WNT7B: variants seen among roughly 807,000 people sequenced by gnomAD.
The protein encoded by WNT7B is Wnt family member 7B, also known as protein Wnt-7b.
WNT7B carries 19 observed loss-of-function variants against 38.2 expected under a neutral mutation model. The observed-to-expected ratio is 0.50, with a 90% CI of 0.35 to 0.73. The LOEUF is 0.73. Among genes scored for constraint, WNT7B ranks in the 30% least tolerant of loss-of-function variants. The probability of loss-of-function intolerance (pLI) is 0.01; values close to 1 mark genes in which losing one functional copy is unlikely to be tolerated. For missense variants in WNT7B, 423 were observed against 507.9 expected (o/e 0.83, Z 1.61); for synonymous variants, 243 against 209.3 (o/e 1.16, Z -1.39).
Position 45,922,835 on chromosome 22 carries a change from C to T in WNT7B, c.*21G>A, listed in dbSNP as rs780036850. Reference sequence around the variant, plus strand: ...ATGCCGCCGGGTTCCAGGGTGCCCGCGGCCGCCTCCGGGCCTGGCCTCACT... The same window carrying T: ...ATGCCGCCGGGTTCCAGGGTGCCCGTGGCCGCCTCCGGGCCTGGCCTCACT... On this transcript the variant is annotated 3_prime_UTR_variant, in exon 4 of 4. Transcript: ENST00000339464. 15 of 1,576,998 alleles carry T rather than the reference C, an allele frequency of 9.5e-6. No individual in the cohort carries two copies. Among genetic ancestry groups the T allele is most frequent in the South Asian group, 3.5e-5 (3 of 86,756 alleles).
intron 1 of WNT7B, among the ~76,000 whole-genome samples, chr22:45,963,558 G>A (rs1039912159): frequency 3.3e-5 from 5 of 152,118 alleles, no homozygotes; most frequent in African/African-American, 7.2e-5. Flanking sequence ...GGCTTAGAGA[G>A]GAGCAGCATC....
chr22:45,947,550 C>G (rs1349610276), intron 2 of WNT7B, among the ~76,000 whole-genome samples: 2 of 152,312 alleles, frequency 1.3e-5, no homozygotes, highest in East Asian at 3.9e-4. Flanking sequence ...AAGCCATGAG[C>G]AGGAGTGAGC....
intron 1 of WNT7B, chr22:45,972,331 A>AGGG (rs1243922582): frequency 2.4e-6 from 1 of 418,996 alleles, no homozygotes; most frequent in Non-Finnish European, 4.2e-6. Context: ...TCCCCGATGC[A>AGGG]GGGCGGCGGC....
chr22:45,928,376 C>T (rs536277785), intron 3 of WNT7B, among the ~76,000 whole-genome samples: 77 of 152,340 alleles, frequency 5.1e-4, no homozygotes, highest in African/African-American at 9.6e-4. Flanking sequence ...GCTCAGACCA[C>T]GCTTGTGCCC....
At chr22:45,935,084 TG>T (rs1306605533) in intron 2 of WNT7B, among the ~76,000 whole-genome samples, 2 of 152,190 alleles carry the variant, frequency 1.3e-5, no homozygotes, top group African/African-American at 4.8e-5. Context: ...GCAGAAGGGC[TG>T]CAGGCTTCCC....
chr22:45,974,918 G>A (rs1932520864), intron 1 of WNT7B, among the ~76,000 whole-genome samples: 1 of 152,156 alleles, frequency 6.6e-6, no homozygotes, highest in Non-Finnish European at 1.5e-5. Flanking sequence ...AGCCCCAGGA[G>A]CCGGGCTAGG....
At chr22:45,933,993 G>A (rs1415793192) in intron 2 of WNT7B, among the ~76,000 whole-genome samples, 2 of 152,234 alleles carry the variant, frequency 1.3e-5, no homozygotes, top group Non-Finnish European at 2.9e-5. Context: ...TCAGAGGCCG[G>A]TCGGCACCAG....
intron 2 of WNT7B, among the ~76,000 whole-genome samples, chr22:45,933,518 C>T (rs1442560453): frequency 2.0e-5 from 3 of 151,992 alleles, no homozygotes; most frequent in African/African-American, 7.3e-5. Flanking sequence ...ATTCCCCAAG[C>T]ACAACAGGGC....
At chr22:45,945,325 C>T (rs1295467936) in intron 2 of WNT7B, among the ~76,000 whole-genome samples, 2 of 152,170 alleles carry the variant, frequency 1.3e-5, no homozygotes, top group South Asian at 2.1e-4. Flanking sequence ...GTGATCCACC[C>T]GCCTCAGCTT....
chr22:45,927,198 G>C, intron 3 of WNT7B: 1 of 985,444 alleles, frequency 1.0e-6, no homozygotes, highest in Non-Finnish European at 1.2e-6. Context: ...CAGGGGCAGA[G>C]CTGGGGGCCG....
chr22:45,929,201 C>G (rs1343363262), intron 3 of WNT7B, among the ~76,000 whole-genome samples: 2 of 152,204 alleles, frequency 1.3e-5, no homozygotes, highest in East Asian at 3.9e-4. Context: ...CTCCCAGATG[C>G]CTCCAGGTAG....
intron 3 of WNT7B, chr22:45,926,993 C>T (rs1569109488): frequency 1.0e-6 from 1 of 985,466 alleles, no homozygotes; most frequent in East Asian, 1.1e-4. Flanking sequence ...CCCCTGGCTC[C>T]AGGAGCTGGT....
chr22:45,957,682 CAAAAAAAAAA>C lies in WNT7B; in HGVS notation c.72-7546_72-7537del, dbSNP rs367797133. Among the ~76,000 whole-genome samples the C allele has an allele frequency of 1.2e-3, 43 of 36,012 alleles. 2 individuals carry two copies. Among genetic ancestry groups the C allele is most frequent in the South Asian group, 2.6e-3 (2 of 778 alleles). 23.6% of individuals were successfully genotyped at this position (36,012 alleles called of 152,430 possible). A position where few individuals can be genotyped will look rare whatever the true frequency, so the allele number is the denominator to read the frequency against. ...TGCGTGAGGGAGCAAGACTCCGTCT[CAAAAAAAAAA>C]AAAAAAAAAAAAAAAAAAAACAGAA... On this transcript the variant is annotated intron_variant, in intron 1 of 3. Coordinates refer to ENST00000339464, the MANE Select transcript of WNT7B (RefSeq NM_058238.3).
chr22:45,933,376 G>A (rs551172428), intron 2 of WNT7B, among the ~76,000 whole-genome samples: 59 of 152,286 alleles, frequency 3.9e-4, no homozygotes, highest in African/African-American at 1.3e-3. Flanking sequence ...CACGCTGCCC[G>A]CTCCCTGCCT....
rs1931355488 is a variant in WNT7B, at chr22:45,931,420, T to A, written c.299-51A>T. On this transcript the variant is annotated intron_variant, in intron 2 of 3. Transcript: ENST00000339464. Reference sequence around the variant, plus strand: ...GTGAGACCCCAGGCCCTGGGCCAGGTGGGCTCAGGGGACAGGGTGCCGGGC... The same window carrying A: ...GTGAGACCCCAGGCCCTGGGCCAGGAGGGCTCAGGGGACAGGGTGCCGGGC... 2.6e-6 allele frequency: 4 copies of A among 1,523,292 alleles called. No homozygotes were observed. In the East Asian group the frequency reaches 6.9e-5, roughly 26 times the overall value. 94.4% of individuals were successfully genotyped at this position (1,523,292 alleles called of 1,614,324 possible).
chr22:45,932,819 C>G (rs76504283), intron 2 of WNT7B, among the ~76,000 whole-genome samples: 9,683 of 152,280 alleles, frequency 0.064, 512 homozygotes, highest in Admixed American at 0.15. Context: ...CAGGAGAGGG[C>G]AGCTGGAGAC....
intron 2 of WNT7B, among the ~76,000 whole-genome samples, chr22:45,934,866 G>A (rs1931473404): frequency 6.6e-6 from 1 of 152,260 alleles, no homozygotes; most frequent in South Asian, 2.1e-4. Flanking sequence ...GAGAGTCATA[G>A]TTTTGGCACA....
At chr22:45,969,901 T>C (rs1219531235) in intron 1 of WNT7B, among the ~76,000 whole-genome samples, 1 of 152,214 alleles carries the variant, frequency 6.6e-6, no homozygotes, top group African/African-American at 2.4e-5. Context: ...GCGCCTGCAG[T>C]GCTGAGGGTC....
At position 45,972,251 on chromosome 22, in the gene WNT7B, G is replaced by A. The variant is rs547751210; in HGVS notation, c.71+4433C>T. The stretch of plus-strand genomic sequence containing the variant: ...CAGTAGAAGCATGGTGGGCCGGCGT[G>A]CCTGGCGGGGCTGAACAGGCTCCGC... On this transcript the variant is annotated intron_variant, in intron 1 of 3. Transcript: ENST00000339464. 50 of 634,250 alleles carry A rather than the reference G, an allele frequency of 7.9e-5. No homozygotes were observed. In the East Asian group the frequency reaches 1.7e-3, roughly 21 times the overall value. 39.3% of individuals were successfully genotyped at this position (634,250 alleles called of 1,614,324 possible).
Sources: gnomAD v4.1 joint callset for allele counts (sites outside exome capture counted in the v4.1 genomes callset) on GRCh38, gnomAD v4.1.1 for gene constraint, MANE v1.5 for transcripts, NCBI Gene and HGNC (gene_info 2026-07-23, HGNC 2026-07-21) for gene names.